The following MAGI2 variants were observed in gnomAD, a reference collection of about 807,000 sequenced individuals.
MAGI2 encodes membrane-associated guanylate kinase, WW and PDZ domain-containing protein 2.
Under a neutral mutation model 133.3 loss-of-function variants are expected in MAGI2, and 35 were observed. The ratio of observed to expected loss-of-function variants is 0.26; its 90% CI spans 0.20 to 0.35. The LOEUF is 0.35. Among genes scored for constraint, MAGI2 ranks in the 10% least tolerant of loss-of-function variants. MAGI2 has a pLI of 1.00. For synonymous variants in MAGI2, 729 were observed against 710.6 expected, an observed-to-expected ratio of 1.03 and a Z score of -0.41; for missense variants, 1,636 against 1,863.4, an observed-to-expected ratio of 0.88 and a Z score of 2.25.
At position 78,766,027 on chromosome 7, in the gene MAGI2, A is replaced by T. The variant is rs114918064; in HGVS notation, c.419-138788T>A. Among the ~76,000 whole-genome samples, 764 of 152,298 alleles carry T rather than the reference A, an allele frequency of 5.0e-3. 13 individuals carry two copies. Among genetic ancestry groups the T allele is most frequent in the African/African-American group, 0.018 (734 of 41,576 alleles). On this transcript the variant is annotated intron_variant, in intron 2 of 21. Transcript: ENST00000354212. The stretch of plus-strand genomic sequence containing the variant: ...TCATAAACAGCTGTACGAATCCAAG[A>T]TCAAGAATCCTCCCACACTTGGCCA...
At chr7:79,050,023 C>A (rs940895264) in intron 1 of MAGI2, among the ~76,000 whole-genome samples, 15 of 152,304 alleles carry the variant, frequency 9.8e-5, no homozygotes, top group African/African-American at 2.6e-4. Context: ...CATTTCCCTG[C>A]ACATTTTGTT....
intron 2 of MAGI2, among the ~76,000 whole-genome samples, chr7:78,812,881 C>G (rs925109753): frequency 1.3e-5 from 2 of 152,124 alleles, no homozygotes; most frequent in Non-Finnish European, 2.9e-5. Flanking sequence ...TAACAGTTAT[C>G]CAACCTGACC....
chr7:79,366,051 G>A (rs1056633822), intron 1 of MAGI2, among the ~76,000 whole-genome samples: 1 of 151,374 alleles, frequency 6.6e-6, no homozygotes, highest in Admixed American at 6.6e-5. Flanking sequence ...AGACCAGCCT[G>A]GGCAACATGG....
intron 7 of MAGI2, chr7:78,358,204 T>C (rs1389832379): frequency 1.8e-4 from 5 of 28,186 alleles, no homozygotes; most frequent in Non-Finnish European, 3.2e-4. Context: ...AAAATATATA[T>C]ATATATATAT....
At chr7:79,122,449 C>T (rs375366784) in intron 1 of MAGI2, among the ~76,000 whole-genome samples, 79 of 152,204 alleles carry the variant, frequency 5.2e-4, no homozygotes, top group African/African-American at 1.9e-3. Flanking sequence ...TTATAGTGAT[C>T]CACAGACCCA....
At chr7:78,612,388 G>A (rs957377342) in intron 3 of MAGI2, among the ~76,000 whole-genome samples, 2 of 151,838 alleles carry the variant, frequency 1.3e-5, no homozygotes, top group Non-Finnish European at 2.9e-5. Flanking sequence ...GAAAAACCAC[G>A]AATAAAGGGA....
At chr7:79,251,596 G>T (rs1022111858) in intron 1 of MAGI2, among the ~76,000 whole-genome samples, 2 of 152,154 alleles carry the variant, frequency 1.3e-5, no homozygotes, top group Non-Finnish European at 2.9e-5. Context: ...AAATGCTGGT[G>T]AGGATGTGAA....
chr7:79,053,779 C>T lies in MAGI2; in HGVS notation c.302-46573G>A, dbSNP rs554075213. 2.8e-4 allele frequency among the ~76,000 whole-genome samples: 42 copies of T among 152,222 alleles called. 2 individuals carry two copies. In the South Asian group the frequency reaches 7.7e-3, roughly 28 times the overall value. On this transcript the variant is annotated intron_variant, in intron 1 of 21. Transcript: ENST00000354212. ...AATAAGACAAAATTATATTTATGGT[C>T]ATCTGCTAAAAGCTAATTAATGTAA...
intron 1 of MAGI2, among the ~76,000 whole-genome samples, chr7:79,131,747 T>C (rs1479848401): frequency 6.6e-6 from 1 of 152,210 alleles, no homozygotes; most frequent in African/African-American, 2.4e-5. Flanking sequence ...CGTTTTTGAA[T>C]TTTTTAATTT....
At chr7:79,272,123 T>A (rs1004317436) in intron 1 of MAGI2, among the ~76,000 whole-genome samples, 3 of 152,160 alleles carry the variant, frequency 2.0e-5, no homozygotes, top group African/African-American at 4.8e-5. Flanking sequence ...ATATATCACC[T>A]AAAATGTATG....
intron 3 of MAGI2, among the ~76,000 whole-genome samples, chr7:78,523,645 G>A (rs1796701695): frequency 6.6e-6 from 1 of 152,018 alleles, no homozygotes; most frequent in Admixed American, 6.6e-5. Flanking sequence ...TTCTTCACAA[G>A]GCAGCAGGAG....
chr7:79,157,900 T>A (rs1291288899), intron 1 of MAGI2, among the ~76,000 whole-genome samples: 3 of 146,700 alleles, frequency 2.0e-5, no homozygotes, highest in African/African-American at 7.5e-5. Flanking sequence ...ATTTATGTCA[T>A]GGCTAAAGTT....
intron 6 of MAGI2, among the ~76,000 whole-genome samples, chr7:78,374,002 T>C (rs1410950442): frequency 6.6e-6 from 1 of 152,172 alleles, no homozygotes; most frequent in Non-Finnish European, 1.5e-5. Context: ...TCCACCATTG[T>C]TGGACACCTA....
chr7:78,625,651 AC>A (rs1176375301), intron 3 of MAGI2, among the ~76,000 whole-genome samples: 7 of 152,158 alleles, frequency 4.6e-5, no homozygotes, highest in African/African-American at 1.4e-4. Context: ...CTCTGGGCTC[AC>A]CCGCTAATGG....
intron 6 of MAGI2, among the ~76,000 whole-genome samples, chr7:78,448,002 A>G (rs940478468): frequency 1.3e-5 from 2 of 152,072 alleles, no homozygotes; most frequent in African/African-American, 4.8e-5. Context: ...TTCTACATAT[A>G]AGTTAGATCA....
chr7:78,267,807 T>C (rs1025070862), intron 9 of MAGI2, among the ~76,000 whole-genome samples: 27 of 152,158 alleles, frequency 1.8e-4, no homozygotes, highest in Admixed American at 9.8e-4. Flanking sequence ...AGCCTAGGGG[T>C]TTCAGGGAAA....
chr7:79,325,567 T>G (rs1334183329), intron 1 of MAGI2, among the ~76,000 whole-genome samples: 1 of 152,150 alleles, frequency 6.6e-6, no homozygotes, highest in Non-Finnish European at 1.5e-5. Flanking sequence ...GCTTTCAAGT[T>G]GTCCATATTC....
chr7:78,691,252 T>C (rs546210106), intron 2 of MAGI2, among the ~76,000 whole-genome samples: 31 of 152,296 alleles, frequency 2.0e-4, no homozygotes, highest in African/African-American at 7.5e-4. Flanking sequence ...TAGTTGCTAT[T>C]TATTTCACTC....
At chr7:78,770,186 T>C (rs1825438604) in intron 2 of MAGI2, among the ~76,000 whole-genome samples, 5 of 152,248 alleles carry the variant, frequency 3.3e-5, no homozygotes, top group Admixed American at 3.3e-4. Flanking sequence ...AGAGAAATTA[T>C]GTGTTTGTTT....
Sources: gnomAD v4.1 joint callset for allele counts (sites outside exome capture counted in the v4.1 genomes callset) on GRCh38, gnomAD v4.1.1 for gene constraint, MANE v1.5 for transcripts, NCBI Gene and HGNC (gene_info 2026-07-23, HGNC 2026-07-21) for gene names.